Variants in OPCML observed in about 807,000 individuals in gnomAD.
The protein encoded by OPCML is opioid-binding protein/cell adhesion molecule.
Under a neutral mutation model 37.8 loss-of-function variants are expected in OPCML, and 13 were observed. The observed-to-expected ratio is 0.34, with a 90% CI of 0.22 to 0.55. The LOEUF is 0.55. OPCML is among the 20% of genes least tolerant of loss of function. OPCML has a pLI of 0.91. For synonymous variants in OPCML, 176 were observed against 168.8 expected (o/e 1.04, Z -0.33); for missense variants, 341 against 435.6 (o/e 0.78, Z 1.93).
At chr11:133,511,852 T>C (rs1052553418) in intron 1 of OPCML, among the ~76,000 whole-genome samples, 1 of 152,210 alleles carries the variant, frequency 6.6e-6, no homozygotes, top group African/African-American at 2.4e-5. Flanking sequence ...TTATTTGCTG[T>C]TGCACCCCAA....
intron 1 of OPCML, among the ~76,000 whole-genome samples, chr11:133,107,130 A>G (rs2137083587): frequency 6.6e-6 from 1 of 152,326 alleles, no homozygotes; most frequent in African/African-American, 2.4e-5. Flanking sequence ...CAAGAGGAAG[A>G]TTGTGCAGGA....
rs185811476 is a variant in OPCML at position 132,698,803 on chromosome 11, C to A, written c.147-41484G>T. ...CTTTAATCAATTTTTAGATGATTTTCATATATATATAGTTGGGTCCAAGTT... is the reference window on the plus strand; with the variant it reads ...CTTTAATCAATTTTTAGATGATTTTAATATATATATAGTTGGGTCCAAGTT... On this transcript the variant is annotated intron_variant, in intron 2 of 7. Coordinates refer to ENST00000524381, the MANE Select transcript of OPCML (RefSeq NM_001012393.5). Among the ~76,000 whole-genome samples the A allele has an allele frequency of 1.8e-4, 28 of 151,700 alleles. No homozygotes were observed. In the East Asian group the frequency reaches 5.0e-3, roughly 27 times the overall value.
chr11:133,280,667 G>T (rs1215450371), intron 1 of OPCML, among the ~76,000 whole-genome samples: 1 of 152,132 alleles, frequency 6.6e-6, no homozygotes, highest in Non-Finnish European at 1.5e-5. Context: ...TTTCAGGAAG[G>T]GGAGGAGACA....
chr11:132,737,549 T>C (rs952631219), intron 2 of OPCML, among the ~76,000 whole-genome samples: 2 of 152,238 alleles, frequency 1.3e-5, no homozygotes, highest in African/African-American at 4.8e-5. Context: ...CTATATATTC[T>C]TCATAATTTC....
chr11:132,959,491 G>A (rs1946043773), intron 1 of OPCML, among the ~76,000 whole-genome samples: 1 of 152,188 alleles, frequency 6.6e-6, no homozygotes, highest in African/African-American at 2.4e-5. Context: ...TTCTACTGTG[G>A]GTAAAATGCT....
intron 2 of OPCML, among the ~76,000 whole-genome samples, chr11:132,722,860 A>G (rs990742767): frequency 6.6e-6 from 1 of 152,208 alleles, no homozygotes; most frequent in Non-Finnish European, 1.5e-5. Context: ...CTAAAGTGTC[A>G]TCTCACTTTA....
intron 1 of OPCML, among the ~76,000 whole-genome samples, chr11:133,426,594 C>T (rs752658849): frequency 2.1e-4 from 32 of 152,110 alleles, no homozygotes; most frequent in African/African-American, 4.1e-4. Context: ...CCCAGGCCCC[C>T]GACGCCCACA....
At chr11:133,071,231 G>T (rs1246722201) in intron 1 of OPCML, among the ~76,000 whole-genome samples, 1 of 152,214 alleles carries the variant, frequency 6.6e-6, no homozygotes, top group Admixed American at 6.5e-5. Context: ...CGAAGCCTCT[G>T]CTGTGCTTCA....
At chr11:133,309,187 A>T (rs112101752) in intron 1 of OPCML, among the ~76,000 whole-genome samples, 2,408 of 152,320 alleles carry the variant, frequency 0.016, 53 homozygotes, top group African/African-American at 0.055. Context: ...CAAAGGGAAT[A>T]AAGTAACTGT....
chr11:133,029,203 G>C (rs1456477850), intron 1 of OPCML, among the ~76,000 whole-genome samples: 1 of 148,268 alleles, frequency 6.7e-6, no homozygotes, highest in Non-Finnish European at 1.5e-5. Flanking sequence ...TTGTTAAAAA[G>C]TCAAAAGAAA....
chr11:133,118,047 G>A, intron 1 of OPCML: 1 of 666,356 alleles, frequency 1.5e-6, no homozygotes, highest in Non-Finnish European at 1.9e-6. Flanking sequence ...TTCCCCAGCA[G>A]GTGAAACACT....
Position 133,204,868 on chromosome 11 carries a change from GTATATATATATATATATATATA to G in OPCML, c.62-261880_62-261859del, listed in dbSNP as rs57658806. 1.2e-3 allele frequency among the ~76,000 whole-genome samples: 138 copies of G among 117,332 alleles called. 3 individuals are homozygous for G. Among genetic ancestry groups the G allele is most frequent in the East Asian group, 6.1e-3 (10 of 1,638 alleles). 77.0% of individuals were successfully genotyped at this position (117,332 alleles called of 152,430 possible). On this transcript the variant is annotated intron_variant, in intron 1 of 7. Coordinates refer to ENST00000524381, the MANE Select transcript of OPCML (RefSeq NM_001012393.5). ...TGATCTATTATATATATATATATGT[GTATATATATATATATATATATA>G]TATATATATATATATATATACATAC...
chr11:132,495,176 C>G (rs1257395581), intron 4 of OPCML, among the ~76,000 whole-genome samples: 1 of 151,988 alleles, frequency 6.6e-6, no homozygotes, highest in Non-Finnish European at 1.5e-5. Flanking sequence ...TCCATTTTAC[C>G]CAAAAAACAT....
At chr11:132,945,983 C>T (rs1459127989) in intron 1 of OPCML, among the ~76,000 whole-genome samples, 3 of 152,176 alleles carry the variant, frequency 2.0e-5, no homozygotes, top group Non-Finnish European at 4.4e-5. Flanking sequence ...GGGGTTTCAC[C>T]GTGTTAGTCA....
Position 133,458,621 on chromosome 11 carries a change from A to G in OPCML, c.61+73643T>C, listed in dbSNP as rs148436557. Among the ~76,000 whole-genome samples the G allele has an allele frequency of 2.0e-3, 197 of 96,814 alleles. 17 individuals are homozygous for G. The highest frequency in any genetic ancestry group is 5.2e-3 in the African/African-American group (49 of 9,514). The allele number at this position is 96,814 out of a possible 152,430, so 63.5% of individuals were successfully genotyped here. ...CGTGTGTGTGTGTATACACATATAT[A>G]CACGTGTGTGTGTATATACACATAG... On this transcript the variant is annotated intron_variant, in intron 1 of 7. Transcript: ENST00000524381.
intron 1 of OPCML, among the ~76,000 whole-genome samples, chr11:133,239,521 C>A (rs1940647423): frequency 6.6e-6 from 1 of 152,214 alleles, no homozygotes; most frequent in African/African-American, 2.4e-5. Flanking sequence ...TCAGCCCCAG[C>A]CTCAGGTGCA....
At chr11:133,271,081 C>T (rs1355554915) in intron 1 of OPCML, among the ~76,000 whole-genome samples, 1 of 152,122 alleles carries the variant, frequency 6.6e-6, no homozygotes, top group African/African-American at 2.4e-5. Context: ...GACTTTGTGG[C>T]CAGGAATGCC....
chr11:132,851,112 G>C (rs1176232113), intron 2 of OPCML, among the ~76,000 whole-genome samples: 1 of 152,188 alleles, frequency 6.6e-6, no homozygotes, highest in Non-Finnish European at 1.5e-5. Flanking sequence ...GCACAGAAGT[G>C]TCAGAAGTGC....
rs1037900181 is a variant in OPCML, at chr11:133,158,489, C to G, written c.62-215479G>C. Among the ~76,000 whole-genome samples, 3 of 151,886 alleles carry G rather than the reference C, an allele frequency of 2.0e-5. No homozygotes were observed. In the East Asian group the frequency reaches 5.8e-4, roughly 29 times the overall value. On this transcript the variant is annotated intron_variant, in intron 1 of 7. Transcript: ENST00000524381. ...GGCTGAGGCGGGAGGATCACGAGGT[C>G]AAGAGATAGAGACCATCCTGGCCAA...
Sources: gnomAD v4.1 joint callset for allele counts (sites outside exome capture counted in the v4.1 genomes callset) on GRCh38, gnomAD v4.1.1 for gene constraint, MANE v1.5 for transcripts, NCBI Gene and HGNC (gene_info 2026-07-23, HGNC 2026-07-21) for gene names.